PCDH9: variants seen among roughly 807,000 people sequenced by gnomAD.
PCDH9 encodes the protein protocadherin 9, also known as protocadherin-9.
A neutral mutation model predicts 70.6 loss-of-function variants in PCDH9; 24 were observed. The observed-to-expected ratio is 0.34, with a 90% CI of 0.25 to 0.48. The LOEUF is 0.48. Ranked by LOEUF, PCDH9 falls within the 20% of genes least tolerant of loss-of-function variation. PCDH9 has a pLI of 0.99. For synonymous variants in PCDH9, 562 were observed against 558.5 expected, an observed-to-expected ratio of 1.01 and a Z score of -0.09; for missense variants, 1,281 against 1,503.6, an observed-to-expected ratio of 0.85 and a Z score of 2.45.
chr13:66,425,248 A>G (rs1165371522), intron 4 of PCDH9, among the ~76,000 whole-genome samples: 1 of 151,742 alleles, frequency 6.6e-6, no homozygotes, highest in Non-Finnish European at 1.5e-5. Context: ...CATTACAGGT[A>G]AAGACTGCAA....
intron 3 of PCDH9, among the ~76,000 whole-genome samples, chr13:66,746,401 A>T (rs1472271398): frequency 6.6e-6 from 1 of 152,192 alleles, no homozygotes; most frequent in Non-Finnish European, 1.5e-5. Flanking sequence ...ATCATGAATA[A>T]AGATGCCAGA....
At chr13:66,734,531 G>A (rs768653456) in intron 3 of PCDH9, among the ~76,000 whole-genome samples, 1 of 152,076 alleles carries the variant, frequency 6.6e-6, no homozygotes, top group South Asian at 2.1e-4. Flanking sequence ...CTTTCTTAAC[G>A]ACTGTGTCCT....
chr13:67,074,471 T>C (rs2085837848), intron 2 of PCDH9, among the ~76,000 whole-genome samples: 2 of 152,162 alleles, frequency 1.3e-5, no homozygotes, highest in South Asian at 4.1e-4. Flanking sequence ...TGTTATAGCA[T>C]CTGGGATGGA....
intron 3 of PCDH9, among the ~76,000 whole-genome samples, chr13:66,758,309 A>G (rs2079568570): frequency 6.6e-6 from 1 of 152,072 alleles, no homozygotes; most frequent in Non-Finnish European, 1.5e-5. Context: ...CTATCTAACT[A>G]TAAATATGTA....
chr13:66,417,441 G>C (rs1465223600), intron 4 of PCDH9, among the ~76,000 whole-genome samples: 1 of 152,100 alleles, frequency 6.6e-6, no homozygotes, highest in East Asian at 1.9e-4. Context: ...TGGGGATTTG[G>C]GTTGGCTCCA....
At chr13:66,799,166 T>C (rs2080289777) in intron 3 of PCDH9, among the ~76,000 whole-genome samples, 1 of 152,152 alleles carries the variant, frequency 6.6e-6, no homozygotes, top group Non-Finnish European at 1.5e-5. Flanking sequence ...CTTTTATACA[T>C]TTCATGACTT....
At chr13:66,563,984 C>G (rs935883140) in intron 4 of PCDH9, among the ~76,000 whole-genome samples, 1 of 151,956 alleles carries the variant, frequency 6.6e-6, no homozygotes, top group Non-Finnish European at 1.5e-5. Flanking sequence ...GACAGAACAT[C>G]GTCTATCATT....
intron 4 of PCDH9, among the ~76,000 whole-genome samples, chr13:66,373,301 A>G (rs1241482198): frequency 1.3e-5 from 2 of 152,000 alleles, no homozygotes; most frequent in East Asian, 1.9e-4. Context: ...TTACAAAAAC[A>G]GAAAGTAGAA....
At position 66,707,242 on chromosome 13, in the gene PCDH9, GTAATTT is replaced by G. The variant is rs1593926386; in HGVS notation, c.3139-75837_3139-75832del. 4.6e-5 allele frequency among the ~76,000 whole-genome samples: 7 copies of G among 152,260 alleles called. No homozygotes were observed. In the East Asian group the frequency reaches 1.4e-3, roughly 29 times the overall value. On this transcript the variant is annotated intron_variant, in intron 3 of 4. Transcript: ENST00000377865. Reference sequence around the variant, plus strand: ...GCAGTTGCCATTTAACATAGGTACAGTAATTTTAATTTTTTGTCGTTTTGAACACTA... The same window carrying G: ...GCAGTTGCCATTTAACATAGGTACAGTAATTTTTTGTCGTTTTGAACACTA...
At chr13:67,204,768 A>G (rs2089298741) in intron 2 of PCDH9, 1 of 152,198 alleles carries the variant, frequency 6.6e-6, no homozygotes, top group African/African-American at 2.4e-5. Flanking sequence ...GGAAAACCCC[A>G]GCTATACTTT....
chr13:66,904,110 A>G (rs2082320684), intron 2 of PCDH9, among the ~76,000 whole-genome samples: 1 of 151,968 alleles, frequency 6.6e-6, no homozygotes, highest in Non-Finnish European at 1.5e-5. Context: ...AACTACCTTT[A>G]TAAGTGATAC....
At chr13:66,397,466 A>ATGTG (rs892415024) in intron 4 of PCDH9, among the ~76,000 whole-genome samples, 3 of 41,194 alleles carry the variant, frequency 7.3e-5, no homozygotes, top group African/African-American at 1.9e-4. Flanking sequence ...GTATATATAT[A>ATGTG]TGTGTGTGTG....
At chr13:67,163,206 A>G (rs925362433) in intron 2 of PCDH9, among the ~76,000 whole-genome samples, 1 of 152,192 alleles carries the variant, frequency 6.6e-6, no homozygotes, top group Non-Finnish European at 1.5e-5. Flanking sequence ...AAAAATAAAA[A>G]TGTGTAAGTA....
chr13:66,426,084 A>G (rs930386192), intron 4 of PCDH9, among the ~76,000 whole-genome samples: 3 of 151,748 alleles, frequency 2.0e-5, no homozygotes, highest in African/African-American at 7.2e-5. Flanking sequence ...AAAAAGAGGT[A>G]GGAGTATAGT....
intron 3 of PCDH9, among the ~76,000 whole-genome samples, chr13:66,860,494 G>T (rs2081465279): frequency 1.3e-5 from 2 of 152,196 alleles, no homozygotes; most frequent in Non-Finnish European, 2.9e-5. Context: ...CACTTGATCT[G>T]AAAAGACATG....
intron 2 of PCDH9, among the ~76,000 whole-genome samples, chr13:67,125,816 A>G (rs182109565): frequency 6.7e-6 from 1 of 149,832 alleles, no homozygotes; most frequent in African/African-American, 2.5e-5. Context: ...TGGTATAATT[A>G]ATTTAAAAAT....
At chr13:67,003,745 A>T (rs2084291503) in intron 2 of PCDH9, among the ~76,000 whole-genome samples, 1 of 152,134 alleles carries the variant, frequency 6.6e-6, no homozygotes, top group African/African-American at 2.4e-5. Context: ...AAGATGTTTT[A>T]CTCTCTAGTC....
intron 3 of PCDH9, among the ~76,000 whole-genome samples, chr13:66,670,745 G>T: frequency 6.6e-6 from 1 of 152,000 alleles, no homozygotes; most frequent in South Asian, 2.1e-4. Context: ...TTCACATTAT[G>T]TATTTTAATG....
intron 3 of PCDH9, among the ~76,000 whole-genome samples, chr13:66,856,218 T>C (rs989187174): frequency 6.6e-6 from 1 of 151,990 alleles, no homozygotes; most frequent in Non-Finnish European, 1.5e-5. Flanking sequence ...TGACAGATAA[T>C]AGATTAGTTT....
Sources: allele counts gnomAD v4.1 joint callset (sites outside exome capture counted in the v4.1 genomes callset), GRCh38; gene constraint gnomAD v4.1.1; transcripts MANE v1.5; gene names NCBI Gene and HGNC (gene_info 2026-07-23, HGNC 2026-07-21).